The following PLEKHG6 variants were observed in gnomAD, a reference collection of about 807,000 sequenced individuals.
The protein encoded by PLEKHG6 is pleckstrin homology and RhoGEF domain containing G6, also known as pleckstrin homology domain-containing family G member 6.
Under a neutral mutation model 97.5 loss-of-function variants are expected in PLEKHG6, and 91 were observed. The ratio of observed to expected loss-of-function variants is 0.93; its 90% CI spans 0.79 to 1.11. The LOEUF (loss-of-function observed/expected upper bound fraction) is 1.11, where lower values mean the gene tolerates loss of function less well. PLEKHG6 is among the 50% of genes most tolerant of loss of function. The pLI is 0.00. For missense variants in PLEKHG6, 1,044 were observed against 1,031.0 expected (o/e 1.01, Z -0.17); for synonymous variants, 466 against 425.5 (o/e 1.10, Z -1.17).
chr12:6,313,321 C>G (rs1273127766), intron 2 of PLEKHG6: 2 of 889,540 alleles, frequency 2.2e-6, no homozygotes, highest in Non-Finnish European at 3.6e-6. Flanking sequence ...AGTGGGGGCA[C>G]ACACACCAGA....
chr12:6,317,853 C>A lies in PLEKHG6; in HGVS notation c.1018-4C>A, dbSNP rs754035942. The A allele has an allele frequency of 1.3e-6, 2 of 1,551,724 alleles. No individual in the cohort carries two copies. The highest frequency in any genetic ancestry group is 1.7e-6 in the Non-Finnish European group (2 of 1,146,740). ...CCTCCTCCCACACCCCCAACCCCAC[C>A]TAGATTGAAGCCGTGGAGTCATTCC... On this transcript the variant is annotated splice_polypyrimidine_tract_variant and splice_region_variant and intron_variant, in intron 9 of 15. Transcript: ENST00000684764.
rs1263712206 is a variant in PLEKHG6, at chr12:6,312,173, T to C, written c.-54T>C. On this transcript the variant is annotated 5_prime_UTR_variant, in exon 2 of 16. Coordinates refer to ENST00000684764, the MANE Select transcript of PLEKHG6 (RefSeq NM_001384598.1). ...CTCTCTTGCAGCCCTAGGGGACCTC[T>C]TTCTCCTGGACATTGAAGATATGGC... 1.4e-6 allele frequency: 2 copies of C among 1,419,220 alleles called. No individual in the cohort carries two copies. Among genetic ancestry groups the C allele is most frequent in the East Asian group, 5.5e-5 (2 of 36,170 alleles). The allele number at this position is 1,419,220 out of a possible 1,614,324, so 87.9% of individuals were successfully genotyped here. A position where few individuals can be genotyped will look rare whatever the true frequency, so the allele number is the denominator to read the frequency against.
rs1432519852 is a variant in PLEKHG6 at position 6,312,254 on chromosome 12, G to A, written c.28G>A (p.Gly10Ser). The change falls in exon 2 of 16, where the codon GGC (glycine) becomes AGC (serine). Residue 10 changes from glycine (G) to serine (S), a missense_variant. Coordinates refer to ENST00000684764, the MANE Select transcript of PLEKHG6 (RefSeq NM_001384598.1). ...GAAGGCCTTTGGTCCTCCACATGAG[G>A]GCCCCCTCCAAGGACTCGTGGCCTC... The part of the protein sequence containing the change: MKAFGPPHE[G>S]PLQGLVASRI... 2 of 1,536,576 alleles carry A rather than the reference G, an allele frequency of 1.3e-6. No individual in the cohort carries two copies. Among genetic ancestry groups the A allele is most frequent in the African/African-American group, 1.4e-5 (1 of 69,472 alleles).
chr12:6,326,321 A>G (rs1565462063), intron 13 of PLEKHG6, 107 bp from the exon 14 acceptor site: 1 of 637,744 alleles, frequency 1.6e-6, no homozygotes, highest in East Asian at 3.3e-5. Context: ...TAATAATAAT[A>G]ATAAAATAAA....
chr12:6,318,447 G>A, intron 11 of PLEKHG6, 27 bp downstream of exon 11: 14 of 1,581,338 alleles, frequency 8.9e-6, no homozygotes, highest in Non-Finnish European at 1.2e-5. Context: ...CAGAGTGGAG[G>A]GGATGGGGCA....
At chr12:6,311,969 C>T (rs1947284494) in intron 1 of PLEKHG6, among the ~76,000 whole-genome samples, 190 bp from the exon 2 acceptor site, 1 of 152,104 alleles carries the variant, frequency 6.6e-6, no homozygotes, top group Non-Finnish European at 1.5e-5. Context: ...CCAATATGTA[C>T]CTGGACCTAC....
rs544713309 is a variant in PLEKHG6, at chr12:6,315,930, G to A, written c.606+11G>A. 14 of 1,575,564 alleles carry A rather than the reference G, an allele frequency of 8.9e-6. No individual in the cohort carries two copies. Among genetic ancestry groups the A allele is most frequent in the South Asian group, 1.2e-5 (1 of 85,916 alleles). Reference sequence around the variant, plus strand: ...GGACTGCTGATGGAAGTGAGTGGGTGCTCAGGAGGGGACCCTGGCACAGCC... The same window carrying A: ...GGACTGCTGATGGAAGTGAGTGGGTACTCAGGAGGGGACCCTGGCACAGCC... On this transcript the variant is annotated intron_variant, in intron 6 of 15. Coordinates refer to ENST00000684764, the MANE Select transcript of PLEKHG6 (RefSeq NM_001384598.1). The surrounding 1 kb of genome is among the most constrained non-coding windows in gnomAD (Gnocchi z 4.5).
chr12:6,318,660 G>A (rs568958638), intron 11 of PLEKHG6, 85 bp from the exon 12 acceptor site: 45 of 1,453,234 alleles, frequency 3.1e-5, no homozygotes, highest in East Asian at 2.7e-4. Context: ...GTGTGCCTGC[G>A]CACCATGCCT....
chr12:6,319,512 G>A, intron 13 of PLEKHG6: 1 of 1,502,894 alleles, frequency 6.7e-7, no homozygotes, highest in Non-Finnish European at 8.8e-7. Flanking sequence ...GCGCAGAGGG[G>A]AGGAGGAGAG....
intron 3 of PLEKHG6, among the ~76,000 whole-genome samples, chr12:6,314,174 G>T (rs1028896417): frequency 6.6e-6 from 1 of 152,138 alleles, no homozygotes; most frequent in Non-Finnish European, 1.5e-5. Context: ...TGAGGGTCAG[G>T]AGTGTCTATT....
At position 6,319,557 on chromosome 12, in the gene PLEKHG6, C is replaced by G. The variant is rs78694603; in HGVS notation, c.1524+449C>G. ...TGGATTCAGTTTCAGACTGGACAAT[C>G]TGATGTGCCCCAGAGAGGGAGGCAG... On this transcript the variant is annotated intron_variant, in intron 13 of 15. Transcript: ENST00000684764. 3,098 of 1,533,764 alleles carry G rather than the reference C, an allele frequency of 2.0e-3. 54 individuals are homozygous for G. In the African/African-American group the frequency reaches 0.039, roughly 19 times the overall value.
chr12:6,318,522 G>A, intron 11 of PLEKHG6, 102 bp downstream of exon 11: 1 of 1,412,392 alleles, frequency 7.1e-7, no homozygotes, highest in South Asian at 1.4e-5. Context: ...GGAAGAGGAT[G>A]TGGTTCTGGC....
Position 6,313,670 on chromosome 12 carries a change from CA to C in PLEKHG6, c.181del (p.Arg61GlyfsTer12). Reference protein sequence around the residue: ...RRLQQYVPFARGSGQARGLSP... With the variant: ...RRLQQYVPFAXGSGQARGLSP... ...GCCTCCAGCAGTATGTCCCCTTTGC[CA>C]GGGGTTCTGGCCAGGCCCGAGGCCT... On this transcript the variant is annotated frameshift_variant, in exon 3 of 16. Coordinates refer to ENST00000684764, the MANE Select transcript of PLEKHG6 (RefSeq NM_001384598.1). LOFTEE classifies it high-confidence loss of function. 7 of 1,614,084 alleles carry C rather than the reference CA, an allele frequency of 4.3e-6. No homozygotes were observed. Among genetic ancestry groups the C allele is most frequent in the Non-Finnish European group, 5.9e-6 (7 of 1,179,996 alleles).
At chr12:6,321,661 C>A (rs1228575285) in intron 13 of PLEKHG6, among the ~76,000 whole-genome samples, 1 of 151,564 alleles carries the variant, frequency 6.6e-6, no homozygotes, top group Non-Finnish European at 1.5e-5. Flanking sequence ...CCCATCTCTA[C>A]TAAAAAAGAC....
In PLEKHG6 at chr12:6,315,848, C is replaced by A. The variant is rs189394433; in HGVS notation, c.556-21C>A. ...TGAAGGGCTGCGCTGGGTCCTGAGA[C>A]CCTCGTCTCCCTCCCTGCAGCTGCT... On this transcript the variant is annotated intron_variant, in intron 5 of 15. Coordinates refer to ENST00000684764, the MANE Select transcript of PLEKHG6 (RefSeq NM_001384598.1). This position sits in a 1 kb window ranked among gnomAD's most constrained non-coding sequence, Gnocchi z 4.5. The A allele has an allele frequency of 8.0e-5, 124 of 1,550,960 alleles. No homozygotes were observed. The African/African-American group carries it at 1.5e-3, about 19-fold the overall frequency.
chr12:6,313,252 G>C, intron 2 of PLEKHG6: 1 of 1,441,380 alleles, frequency 6.9e-7, no homozygotes, highest in Non-Finnish European at 9.5e-7. Flanking sequence ...CGAGAGACCA[G>C]AATGCTGTGT....
Position 6,315,829 on chromosome 12 carries a change from G to A in PLEKHG6, c.556-40G>A, listed in dbSNP as rs1178714362. The stretch of plus-strand genomic sequence containing the variant: ...GGGTGGGAGGTGACGACACTGAAGG[G>A]CTGCGCTGGGTCCTGAGACCCTCGT... On this transcript the variant is annotated intron_variant, in intron 5 of 15. Transcript: ENST00000684764. The surrounding 1 kb of genome is among the most constrained non-coding windows in gnomAD (Gnocchi z 4.5). 6.5e-7 allele frequency: 1 copy of A among 1,531,086 alleles called. No homozygotes were observed. Among genetic ancestry groups the A allele is most frequent in the South Asian group, 1.2e-5 (1 of 82,262 alleles). The allele number at this position is 1,531,086 out of a possible 1,614,324, so 94.8% of individuals were successfully genotyped here.
rs777107391 is a variant in PLEKHG6 at position 6,318,293 on chromosome 12, T to C, written c.1156-8T>C. The C allele has an allele frequency of 1.2e-6, 2 of 1,613,916 alleles. No individual in the cohort carries two copies. Among genetic ancestry groups the C allele is most frequent in the South Asian group, 2.2e-5 (2 of 91,066 alleles). On this transcript the variant is annotated splice_region_variant and splice_polypyrimidine_tract_variant and intron_variant, in intron 10 of 15. Transcript: ENST00000684764. ...AGCGCCCTGACCCCTCCCCTCTGTG[T>C]CCCTCAGAACCTGCGCCCATTCTCC...
At chr12:6,317,780 G>T in intron 9 of PLEKHG6, 77 bp from the exon 10 acceptor site, 1 of 1,559,152 alleles carries the variant, frequency 6.4e-7, no homozygotes. Flanking sequence ...TGACAGTGTG[G>T]CGCTGTGCTG....
Sources: allele counts gnomAD v4.1 joint callset (sites outside exome capture counted in the v4.1 genomes callset), GRCh38; gene constraint gnomAD v4.1.1; non-coding constraint Gnocchi (gnomAD v3.1); transcripts MANE v1.5; gene names NCBI Gene and HGNC (gene_info 2026-07-23, HGNC 2026-07-21).